Variants in SUGCT observed in about 807,000 individuals in gnomAD.
SUGCT encodes the protein succinyl-CoA:glutarate-CoA transferase, also known as succinyl-CoA:glutarate CoA-transferase.
SUGCT carries 41 observed loss-of-function variants against 55.0 expected under a neutral mutation model. That is an observed-to-expected ratio of 0.74 (90% CI 0.58 to 0.97). The LOEUF (loss-of-function observed/expected upper bound fraction) is 0.97. SUGCT is among the 50% of genes least tolerant of loss of function. The probability of loss-of-function intolerance (pLI) is 0.00; values close to 1 mark genes in which losing one functional copy is unlikely to be tolerated. For synonymous variants in SUGCT, 187 were observed against 200.4 expected, an observed-to-expected ratio of 0.93 and a Z score of 0.56; for missense variants, 568 against 547.8, an observed-to-expected ratio of 1.04 and a Z score of -0.37.
At chr7:40,245,463 G>T (rs1584445676) in intron 7 of SUGCT, among the ~76,000 whole-genome samples, 3 of 58,538 alleles carry the variant, frequency 5.1e-5, no homozygotes, top group Admixed American at 2.1e-4. Context: ...TTTTTGAGAT[G>T]GAGTCTCGCT....
At chr7:40,832,574 T>C (rs1280679876) in intron 13 of SUGCT, among the ~76,000 whole-genome samples, 1 of 151,116 alleles carries the variant, frequency 6.6e-6, no homozygotes, top group Admixed American at 6.6e-5. Flanking sequence ...TTTTTTTTTT[T>C]CCCGGATGTG....
At position 40,465,297 on chromosome 7, in the gene SUGCT, G is replaced by GA. The variant is rs768976289; in HGVS notation, c.986+6101dup. 1.1e-4 allele frequency among the ~76,000 whole-genome samples: 17 copies of GA among 152,244 alleles called. No homozygotes were observed. In the East Asian group the frequency reaches 2.9e-3, roughly 26 times the overall value. On this transcript the variant is annotated intron_variant, in intron 11 of 13. Transcript: ENST00000335693. ...GTGCCAAACAAGTATTTGTTGAAAT[G>GA]AATCAAGCATTTAGGCTGGGTGCGG... is the stretch of plus-strand genomic sequence containing the variant.
rs1466778313 is a variant in SUGCT at position 40,141,054 on chromosome 7, T to C, written c.100+5934T>C. On this transcript the variant is annotated intron_variant, in intron 1 of 13. Transcript: ENST00000335693. ...TTTTGTAGTTTTCCTTGTAGATTTC[T>C]TTCACCTTCTTGGTTAAATATATTC... Among the ~76,000 whole-genome samples the C allele has an allele frequency of 2.6e-5, 4 of 152,234 alleles. No individual in the cohort carries two copies. The South Asian group carries it at 8.3e-4, about 31-fold the overall frequency.
At chr7:40,651,257 G>C (rs535121974) in intron 12 of SUGCT, among the ~76,000 whole-genome samples, 1 of 152,126 alleles carries the variant, frequency 6.6e-6, no homozygotes, top group Non-Finnish European at 1.5e-5. Context: ...AGCATCTGTT[G>C]TTTCTTGGCT....
In SUGCT at chr7:40,194,950, T is replaced by C; in HGVS notation, c.374T>C (p.Val125Ala). The change falls in exon 6 of 14, where the codon GTT becomes GCT. Residue 125 changes from valine to alanine, a missense_variant. Transcript: ENST00000335693. Reference protein sequence around the residue: ...GVKIIKELAAVCDVFVENYVP... With the variant: ...GVKIIKELAAACDVFVENYVP... ...CACCTCTTCCATCAGCTTGCAGCTG[T>C]TTGTGATGTGTTTGTGGAAAACTAT... 1 of 1,613,444 alleles carries C rather than the reference T, an allele frequency of 6.2e-7. No individual in the cohort carries two copies. Among genetic ancestry groups the C allele is most frequent in the Non-Finnish European group, 8.5e-7 (1 of 1,179,700 alleles).
intron 12 of SUGCT, among the ~76,000 whole-genome samples, chr7:40,689,011 G>T (rs10486813): frequency 0.31 from 46,874 of 151,964 alleles, 7,482 homozygotes; most frequent in African/African-American, 0.4. Flanking sequence ...AATATGGTAG[G>T]TTTTACATTG....
At chr7:40,138,745 T>G (rs1012896238) in intron 1 of SUGCT, among the ~76,000 whole-genome samples, 2 of 152,310 alleles carry the variant, frequency 1.3e-5, no homozygotes, top group South Asian at 4.1e-4. Context: ...ATTTCTCTGA[T>G]GATTGGTGAT....
At chr7:40,487,136 G>A (rs1475045425) in intron 11 of SUGCT, among the ~76,000 whole-genome samples, 1 of 139,670 alleles carries the variant, frequency 7.2e-6, no homozygotes, top group Admixed American at 7.4e-5. Context: ...CCAGGCTGGA[G>A]TGCAATGGCA....
intron 12 of SUGCT, among the ~76,000 whole-genome samples, chr7:40,502,448 A>T (rs1326968935): frequency 2.0e-5 from 3 of 152,106 alleles, no homozygotes; most frequent in African/African-American, 7.2e-5. Context: ...AGCCATATTT[A>T]TGATTTAAAT....
chr7:40,898,564 A>C, the SUGCT span, among the ~76,000 whole-genome samples: 3 of 151,386 alleles, frequency 2.0e-5, no homozygotes, highest in East Asian at 3.9e-4. Context: ...TCTACTAAAA[A>C]TACAAAAAAT....
At chr7:40,956,939 T>C in the SUGCT span, among the ~76,000 whole-genome samples, 1 of 152,018 alleles carries the variant, frequency 6.6e-6, no homozygotes, top group East Asian at 1.9e-4. Context: ...CGAGTGAGTT[T>C]CTTAATCCTG....
chr7:40,232,126 G>C (rs982601694), intron 6 of SUGCT, among the ~76,000 whole-genome samples: 1 of 152,142 alleles, frequency 6.6e-6, no homozygotes, highest in Non-Finnish European at 1.5e-5. Context: ...CAATCACTGT[G>C]ATCACAAGAG....
chr7:40,812,722 T>C (rs1407463844), intron 13 of SUGCT, among the ~76,000 whole-genome samples: 1 of 152,124 alleles, frequency 6.6e-6, no homozygotes, highest in Non-Finnish European at 1.5e-5. Context: ...TCAGTTTTGT[T>C]TGGTTCTGCC....
At chr7:40,768,092 T>C (rs1788896302) in intron 13 of SUGCT, among the ~76,000 whole-genome samples, 1 of 152,158 alleles carries the variant, frequency 6.6e-6, no homozygotes, top group South Asian at 2.1e-4. Context: ...GGTCCCAGGC[T>C]CTGTAGAAAT....
intron 12 of SUGCT, among the ~76,000 whole-genome samples, chr7:40,567,007 TC>T (rs1796193375): frequency 6.6e-6 from 1 of 152,174 alleles, no homozygotes; most frequent in African/African-American, 2.4e-5. Flanking sequence ...CCCTCGCCTG[TC>T]CCCCCAAAAG....
the SUGCT span, among the ~76,000 whole-genome samples, chr7:40,958,755 G>A: frequency 6.6e-6 from 1 of 152,028 alleles, no homozygotes; most frequent in Non-Finnish European, 1.5e-5. Flanking sequence ...CTGGTTTTTG[G>A]AATTTTCAGC....
intron 9 of SUGCT, among the ~76,000 whole-genome samples, chr7:40,403,667 CTT>C (rs1333430614): frequency 6.6e-6 from 1 of 152,118 alleles, no homozygotes; most frequent in Non-Finnish European, 1.5e-5. Flanking sequence ...GTAATTAAAA[CTT>C]TGAGTTTCTG....
intron 9 of SUGCT, among the ~76,000 whole-genome samples, chr7:40,350,047 G>A (rs1304540311): frequency 6.6e-6 from 1 of 151,964 alleles, no homozygotes; most frequent in Admixed American, 6.6e-5. Context: ...TGGACCTCTG[G>A]TGATTTCATT....
intron 8 of SUGCT, among the ~76,000 whole-genome samples, chr7:40,316,411 A>G (rs1795434526): frequency 6.6e-6 from 1 of 152,046 alleles, no homozygotes; most frequent in Non-Finnish European, 1.5e-5. Flanking sequence ...TGCAGAGGGG[A>G]AAAAAATGCA....
Sources: allele counts gnomAD v4.1 joint callset (sites outside exome capture counted in the v4.1 genomes callset), GRCh38; gene constraint gnomAD v4.1.1; transcripts MANE v1.5; gene names NCBI Gene and HGNC (gene_info 2026-07-23, HGNC 2026-07-21).